Variants in MTHFD2L observed in about 807,000 individuals in gnomAD.
The protein encoded by MTHFD2L is methylenetetrahydrofolate dehydrogenase (NADP+ dependent) 2 like, also known as bifunctional methylenetetrahydrofolate dehydrogenase/cyclohydrolase 2, mitochondrial.
A neutral mutation model predicts 34.9 loss-of-function variants in MTHFD2L; 29 were observed. The observed-to-expected ratio is 0.83, with a 90% CI of 0.62 to 1.13. The LOEUF (loss-of-function observed/expected upper bound fraction) is 1.13, where lower values mean the gene tolerates loss of function less well. Among genes scored for constraint, MTHFD2L ranks in the 50% most tolerant of loss-of-function variants. MTHFD2L has a pLI of 0.00. For synonymous variants in MTHFD2L, 167 were observed against 155.7 expected (o/e 1.07, Z -0.54); for missense variants, 481 against 446.5 (o/e 1.08, Z -0.70).
chr4:74,186,404 A>C (rs957549927), intron 3 of MTHFD2L, among the ~76,000 whole-genome samples: 6 of 138,882 alleles, frequency 4.3e-5, no homozygotes, highest in Non-Finnish European at 9.3e-5. Context: ...AGCAGATGAC[A>C]TGATTGTCCC....
At chr4:74,188,867 ATG>A (rs1306365091) in intron 3 of MTHFD2L, among the ~76,000 whole-genome samples, 1 of 150,852 alleles carries the variant, frequency 6.6e-6, no homozygotes, top group African/African-American at 2.4e-5. Context: ...TACTCTCTAA[ATG>A]TATGCCGTCT....
chr4:74,175,722 G>T (rs1274570381), intron 3 of MTHFD2L, among the ~76,000 whole-genome samples: 1 of 151,996 alleles, frequency 6.6e-6, no homozygotes, highest in Non-Finnish European at 1.5e-5. Context: ...CAATTTTTCT[G>T]TGGCCTTTAA....
chr4:74,216,134 T>A (rs1454935600), intron 5 of MTHFD2L, among the ~76,000 whole-genome samples: 4 of 151,852 alleles, frequency 2.6e-5, no homozygotes, highest in African/African-American at 4.9e-5. Context: ...CATAAAATGC[T>A]TGTTAACAAA....
At position 74,189,485 on chromosome 4, in the gene MTHFD2L, C is replaced by CCTTTTTTTT. The variant is rs1168720652; in HGVS notation, c.452-10309_452-10308insCTTTTTTTT. ...CATTGAGCAAGCAGTGTTTTTCTTC[C>CCTTTTTTTT]TTTTTTTTTTTTTTTTTTTTTTTTT... On this transcript the variant is annotated intron_variant, in intron 3 of 7. Coordinates refer to ENST00000325278, the MANE Select transcript of MTHFD2L (RefSeq NM_001144978.3). 5.1e-3 allele frequency among the ~76,000 whole-genome samples: 605 copies of CCTTTTTTTT among 119,712 alleles called. 27 individuals carry two copies. The highest frequency in any genetic ancestry group is 0.018 in the African/African-American group (439 of 24,638). The allele number at this position is 119,712 out of a possible 152,430, so 78.5% of individuals were successfully genotyped here.
chr4:74,205,501 T>G (rs1166937398), intron 5 of MTHFD2L, among the ~76,000 whole-genome samples: 1 of 152,226 alleles, frequency 6.6e-6, no homozygotes, highest in Non-Finnish European at 1.5e-5. Context: ...GACCATACTG[T>G]AATTTAGCTT....
intron 6 of MTHFD2L, among the ~76,000 whole-genome samples, chr4:74,260,684 T>G (rs889045653): frequency 3.9e-5 from 6 of 152,140 alleles, no homozygotes; most frequent in African/African-American, 1.2e-4. Context: ...AACAGAAACA[T>G]TATTTCATTC....
intron 1 of MTHFD2L, among the ~76,000 whole-genome samples, chr4:74,163,860 G>A (rs1201959545): frequency 3.3e-5 from 5 of 151,992 alleles, no homozygotes; most frequent in Admixed American, 6.6e-5. Context: ...AGGATTTTTC[G>A]TCTTTTTTTG....
Position 74,201,321 on chromosome 4 carries a change from G to A in MTHFD2L, c.663G>A (p.Met221Ile). 6.2e-7 allele frequency: 1 copy of A among 1,613,822 alleles called. No homozygotes were observed. The highest frequency in any genetic ancestry group is 2.2e-5 in the East Asian group (1 of 44,842). ...CTGGAAGATCCAAGAACGTAGGGAT[G>A]CCTATTGCCATGCTTTTACACACTG... ...VVAGRSKNVG[M>I]PIAMLLHTDG... The change falls in exon 5 of 8, where the codon ATG becomes ATA. Residue 221 changes from methionine (M) to isoleucine (I), a missense_variant. Physicochemically the swap from Met to Ile is conservative, Grantham distance 10. Coordinates refer to ENST00000325278, the MANE Select transcript of MTHFD2L (RefSeq NM_001144978.3).
At chr4:74,229,783 A>G (rs774802263) in intron 6 of MTHFD2L, among the ~76,000 whole-genome samples, 2 of 152,168 alleles carry the variant, frequency 1.3e-5, no homozygotes, top group Non-Finnish European at 2.9e-5. Context: ...CTGTCACACT[A>G]TGCAATTAGA....
At chr4:74,268,022 C>T (rs1745532263) in intron 6 of MTHFD2L, 1 of 984,826 alleles carries the variant, frequency 1.0e-6, no homozygotes, top group Admixed American at 6.2e-5. Context: ...TCATGACAGG[C>T]ATGATAGGCA....
At chr4:74,207,766 C>CTTTTTTTT (rs768932793) in intron 5 of MTHFD2L, among the ~76,000 whole-genome samples, 9 of 128,470 alleles carry the variant, frequency 7.0e-5, no homozygotes, top group Admixed American at 1.6e-4. Flanking sequence ...TGAAAAAGAA[C>CTTTTTTTT]TTTTTTTTTT....
intron 1 of MTHFD2L, among the ~76,000 whole-genome samples, chr4:74,143,669 TATC>T (rs770925962): frequency 6.6e-5 from 10 of 152,200 alleles, no homozygotes; most frequent in Non-Finnish European, 1.2e-4. Context: ...ATTTAAAAGT[TATC>T]ATACTAGAAC....
chr4:74,248,761 G>A (rs1161623940), intron 6 of MTHFD2L, among the ~76,000 whole-genome samples: 6 of 151,174 alleles, frequency 4.0e-5, no homozygotes, highest in Non-Finnish European at 4.4e-5. Flanking sequence ...TCAGGAGCAG[G>A]TTGTTCAGTT....
At chr4:74,258,719 CAT>C (rs556240484) in intron 6 of MTHFD2L, among the ~76,000 whole-genome samples, 28 of 152,066 alleles carry the variant, frequency 1.8e-4, no homozygotes, top group African/African-American at 6.8e-4. Flanking sequence ...AAACATCTAA[CAT>C]CATATAGATT....
chr4:74,294,110 T>A (rs960016878), intron 7 of MTHFD2L, among the ~76,000 whole-genome samples: 4 of 152,042 alleles, frequency 2.6e-5, no homozygotes, highest in Admixed American at 2.6e-4. Flanking sequence ...ACAGACAAAA[T>A]AGAAAGACAA....
rs1578417814 is a variant in MTHFD2L at position 74,193,032 on chromosome 4, A to G, written c.452-6762A>G. ...AGAAACCTTTTCTTACACCCAGCAT[A>G]CAATGATATTCTTCTAAATTTTCAC... On this transcript the variant is annotated intron_variant, in intron 3 of 7. Coordinates refer to ENST00000325278, the MANE Select transcript of MTHFD2L (RefSeq NM_001144978.3). Among the ~76,000 whole-genome samples, 7 of 152,262 alleles carry G rather than the reference A, an allele frequency of 4.6e-5. 1 individual carries two copies.
intron 3 of MTHFD2L, among the ~76,000 whole-genome samples, chr4:74,198,850 T>A (rs1733926699): frequency 8.1e-6 from 1 of 122,906 alleles, no homozygotes. Flanking sequence ...CAAGGACTTT[T>A]GTAATCTAAT....
At chr4:74,151,893 A>C (rs186508729) in intron 1 of MTHFD2L, among the ~76,000 whole-genome samples, 1 of 152,336 alleles carries the variant, frequency 6.6e-6, no homozygotes, top group East Asian at 1.9e-4. Context: ...ATTGTTAGGA[A>C]TGCTATTAGC....
chr4:74,120,697 T>G (rs1480136787), upstream of MTHFD2L, among the ~76,000 whole-genome samples: 3 of 152,228 alleles, frequency 2.0e-5, no homozygotes, highest in Non-Finnish European at 4.4e-5. Context: ...TGCCCTTAAC[T>G]CATATCTGTT....
Sources: gnomAD v4.1 joint callset for allele counts (sites outside exome capture counted in the v4.1 genomes callset) on GRCh38, gnomAD v4.1.1 for gene constraint, MANE v1.5 for transcripts, NCBI Gene and HGNC (gene_info 2026-07-23, HGNC 2026-07-21) for gene names.